The following SLC16A5 variants were observed in gnomAD, a reference collection of about 807,000 sequenced individuals.
SLC16A5 encodes monocarboxylate transporter 6.
SLC16A5 carries 29 observed loss-of-function variants against 33.2 expected under a neutral mutation model. The observed-to-expected ratio is 0.87, with a 90% CI of 0.65 to 1.19. The LOEUF is 1.19. Ranked by LOEUF, SLC16A5 falls within the 50% of genes most tolerant of loss-of-function variation. The pLI is 0.00. For missense variants in SLC16A5, 606 were observed against 678.2 expected, an observed-to-expected ratio of 0.89 and a Z score of 1.18; for synonymous variants, 248 against 284.1, an observed-to-expected ratio of 0.87 and a Z score of 1.28.
chr17:75,105,856 A>G, intron 6 of SLC16A5, 24 bp from the exon 7 acceptor site: 3 of 1,561,498 alleles, frequency 1.9e-6, no homozygotes, highest in Non-Finnish European at 2.6e-6. Context: ...AAACCTTATC[A>G]GGAGATTTTA....
intron 5 of SLC16A5, among the ~76,000 whole-genome samples, chr17:75,102,895 C>T (rs2073817809): frequency 8.0e-6 from 1 of 125,122 alleles, no homozygotes; most frequent in Non-Finnish European, 1.8e-5. Flanking sequence ...ACACGCCCGG[C>T]TAATTTTTTT....
In SLC16A5 at chr17:75,093,762, A is replaced by G. The variant is rs760996195; in HGVS notation, c.126A>G (p.Gln42=). ...TCGGCATCTTCTTCACTGAATTGCA[A>G]TGGGAGTTCCAGGCCAGCAACAGCG... is the stretch of plus-strand genomic sequence containing the variant. ...TCIGIFFTEL[Q]WEFQASNSET... Residue 42 remains glutamine (Q), a synonymous_variant, in exon 3 of 7, where the codon CAA becomes CAG. Transcript: ENST00000329783. 6.2e-6 allele frequency: 10 copies of G among 1,613,998 alleles called. No homozygotes were observed. The highest frequency in any genetic ancestry group is 5.0e-5 in the Admixed American group (3 of 60,004).
chr17:75,100,913 A>C (rs1028825048), intron 5 of SLC16A5, 97 bp downstream of exon 5: 13 of 1,246,150 alleles, frequency 1.0e-5, no homozygotes, highest in South Asian at 9.3e-5. Context: ...AGGTTGTGCT[A>C]CAGCTGGTTT....
chr17:75,100,958 CAT>C, intron 5 of SLC16A5, 142 bp downstream of exon 5: 1 of 909,528 alleles, frequency 1.1e-6, no homozygotes, highest in South Asian at 1.8e-5. Flanking sequence ...CAGTTAAAAA[CAT>C]GGGTTTGGCC....
At position 75,092,067 on chromosome 17, in the gene SLC16A5, G is replaced by A. The variant is rs951869152; in HGVS notation, c.-48-1522G>A. Among the ~76,000 whole-genome samples the A allele has an allele frequency of 2.6e-5, 4 of 151,172 alleles. No individual in the cohort carries two copies. The South Asian group carries it at 6.3e-4, about 24-fold the overall frequency. On this transcript the variant is annotated intron_variant, in intron 2 of 6. Transcript: ENST00000329783. The stretch of plus-strand genomic sequence containing the variant: ...TGTGTGTGTGCACGCATGCGCAGAT[G>A]TGCATGTCTGCACTGTGTGTGTCCG...
downstream of SLC16A5, among the ~76,000 whole-genome samples, chr17:75,108,995 T>G (rs143920128): frequency 6.6e-3 from 1,012 of 152,252 alleles, 14 homozygotes; most frequent in African/African-American, 0.023. Context: ...CCATTTAGAT[T>G]AACAACTTTT....
intron 2 of SLC16A5, among the ~76,000 whole-genome samples, chr17:75,092,880 C>A (rs929191757): frequency 2.0e-5 from 3 of 150,104 alleles, no homozygotes; most frequent in South Asian, 4.2e-4. Context: ...AGTGTGATTG[C>A]GGAACTTGAG....
chr17:75,093,182 G>T (rs970919318), intron 2 of SLC16A5: 2 of 536,722 alleles, frequency 3.7e-6, no homozygotes, highest in Middle Eastern at 4.9e-4. Context: ...GGTGCATTTG[G>T]GGGGCGTTGG....
chr17:75,109,236 C>G (rs551854403), downstream of SLC16A5, among the ~76,000 whole-genome samples: 14 of 152,356 alleles, frequency 9.2e-5, no homozygotes, highest in East Asian at 1.4e-3. This position sits in a 1 kb window ranked among gnomAD's most constrained non-coding sequence, Gnocchi z 5.0. Flanking sequence ...CTCCCCCGTG[C>G]TGCCCCGGGC....
Position 75,098,092 on chromosome 17 carries a change from T to TG in SLC16A5, c.260dup (p.Val88ArgfsTer112). The TG allele has an allele frequency of 1.2e-6, 2 of 1,609,724 alleles. No individual in the cohort carries two copies. Among genetic ancestry groups the TG allele is most frequent in the Admixed American group, 1.7e-5 (1 of 59,372 alleles). On this transcript the variant is annotated frameshift_variant, in exon 4 of 7. Transcript: ENST00000329783. LOFTEE classifies it high-confidence loss of function. ...TTCGGCTGCCGAGTGACCGTGATGC[T>TG]GGGGGGCGTGCTGGCCAGCCTGGGC...
downstream of SLC16A5, among the ~76,000 whole-genome samples, chr17:75,107,929 A>G (rs2073874774): frequency 6.6e-6 from 1 of 150,830 alleles, no homozygotes; most frequent in South Asian, 2.1e-4. Context: ...AGAGCGAGAC[A>G]CTGTCTCAGA....
chr17:75,096,367 T>G (rs1232537477), intron 3 of SLC16A5, among the ~76,000 whole-genome samples: 1 of 147,242 alleles, frequency 6.8e-6, no homozygotes, highest in Admixed American at 6.8e-5. Context: ...TTCCCCAATG[T>G]CAACTTCCCT....
rs1189431026 is a variant in SLC16A5 at position 75,094,627 on chromosome 17, G to A, written c.199+792G>A. Among the ~76,000 whole-genome samples, 15 of 151,626 alleles carry A rather than the reference G, an allele frequency of 9.9e-5. 1 individual carries two copies. Among genetic ancestry groups the A allele is most frequent in the Non-Finnish European group, 1.6e-4 (11 of 67,892 alleles). ...CTTGAACCCAGGAGGCAGAGGTTGC[G>A]GTGAGCTGAGATGGTGCCATTGCAC... is the stretch of plus-strand genomic sequence containing the variant. On this transcript the variant is annotated intron_variant, in intron 3 of 6. Transcript: ENST00000329783.
rs778784673 is a variant in SLC16A5 at position 75,104,188 on chromosome 17, A to G, written c.1364+8A>G. On this transcript the variant is annotated splice_region_variant and intron_variant, in intron 6 of 6. Transcript: ENST00000329783. ...ACGGTCCCCTGAGATCATGTATGTA[A>G]CCAGCGTCTAAGACCCAGGGTTCAT... The G allele has an allele frequency of 1.2e-6, 2 of 1,613,614 alleles. No homozygotes were observed. The highest frequency in any genetic ancestry group is 1.7e-6 in the Non-Finnish European group (2 of 1,179,874).
In SLC16A5 at chr17:75,106,057, A is replaced by G. The variant is rs555229220; in HGVS notation, c.*24A>G. 3.8e-5 allele frequency: 50 copies of G among 1,299,794 alleles called. No individual in the cohort carries two copies. The highest frequency in any genetic ancestry group is 4.3e-5 in the Non-Finnish European group (40 of 924,612). The allele number at this position is 1,299,794 out of a possible 1,614,324, so 80.5% of individuals were successfully genotyped here. A position where few individuals can be genotyped will look rare whatever the true frequency, so the allele number is the denominator to read the frequency against. On this transcript the variant is annotated 3_prime_UTR_variant, in exon 7 of 7. Transcript: ENST00000329783. ...GAGTGCCCTGTTTGACTCCGCCACT[A>G]TCTGCCATGTGAGTTGGGCAAATTG... is the stretch of plus-strand genomic sequence containing the variant.
chr17:75,104,736 C>T lies in SLC16A5; in HGVS notation c.1364+556C>T. The T allele has an allele frequency of 4.1e-6, 4 of 984,764 alleles. No individual in the cohort carries two copies. In the South Asian group the frequency reaches 1.9e-4, roughly 46 times the overall value. The allele number at this position is 984,764 out of a possible 1,614,324, so 61.0% of individuals were successfully genotyped here. A position where few individuals can be genotyped will look rare whatever the true frequency, so the allele number is the denominator to read the frequency against. On this transcript the variant is annotated intron_variant, in intron 6 of 6. Transcript: ENST00000329783. The stretch of plus-strand genomic sequence containing the variant: ...AAGTGCTGGGATTACAGGCGTGAGC[C>T]ACCGTGCCCAGCCAGAGGAACCCTT...
At chr17:75,093,493 G>A in intron 2 of SLC16A5, 96 bp from the exon 3 acceptor site, 3 of 1,536,720 alleles carry the variant, frequency 2.0e-6, no homozygotes, top group Non-Finnish European at 2.6e-6. Flanking sequence ...TTGGGTATGA[G>A]GAAGGGATGG....
intron 1 of SLC16A5, among the ~76,000 whole-genome samples, chr17:75,088,583 T>C (rs981219246): frequency 2.6e-5 from 4 of 152,026 alleles, no homozygotes; most frequent in African/African-American, 9.7e-5. Flanking sequence ...CCCTTGCTGC[T>C]CTCTGCTGGA....
chr17:75,097,954 C>T, intron 3 of SLC16A5, 84 bp from the exon 4 acceptor site: 1 of 1,473,986 alleles, frequency 6.8e-7, no homozygotes, highest in Admixed American at 2.4e-5. Context: ...CTAGTTCCAG[C>T]TGGAACTGCC....
Sources: gnomAD v4.1 joint callset for allele counts (sites outside exome capture counted in the v4.1 genomes callset) on GRCh38, gnomAD v4.1.1 for gene constraint, Gnocchi (gnomAD v3.1) non-coding constraint, MANE v1.5 for transcripts, NCBI Gene and HGNC (gene_info 2026-07-23, HGNC 2026-07-21) for gene names.